The following STK3 variants were observed in gnomAD, a reference collection of about 807,000 sequenced individuals.
STK3 encodes serine/threonine-protein kinase 3.
Under a neutral mutation model 58.0 loss-of-function variants are expected in STK3, and 41 were observed. That is an observed-to-expected ratio of 0.71 (90% CI 0.55 to 0.92). The LOEUF (loss-of-function observed/expected upper bound fraction) is 0.92. Ranked by LOEUF, STK3 falls within the 40% of genes least tolerant of loss-of-function variation. The pLI, the probability that STK3 is intolerant of heterozygous loss-of-function variation, is 0.00. For synonymous variants in STK3, 170 were observed against 191.0 expected (o/e 0.89, Z 0.91); for missense variants, 479 against 602.7 (o/e 0.79, Z 2.15).
At chr8:98,479,580 C>T (rs1025748338) in intron 10 of STK3, among the ~76,000 whole-genome samples, 9 of 148,166 alleles carry the variant, frequency 6.1e-5, no homozygotes, top group Admixed American at 3.4e-4. Flanking sequence ...AACTCTTTTG[C>T]AGATAATAAA....
At chr8:98,471,460 C>A (rs75985877) in intron 10 of STK3, among the ~76,000 whole-genome samples, 1 of 150,944 alleles carries the variant, frequency 6.6e-6, no homozygotes, top group East Asian at 1.9e-4. Context: ...ACCTACCAAA[C>A]ATCATGGCTT....
chr8:98,784,944 G>A (rs1410173670), intron 1 of STK3, among the ~76,000 whole-genome samples: 1 of 151,702 alleles, frequency 6.6e-6, no homozygotes, highest in Non-Finnish European at 1.5e-5. Flanking sequence ...TCCTAGTGTA[G>A]GGAGGCCCTC....
intron 6 of STK3, among the ~76,000 whole-genome samples, chr8:98,644,399 T>A (rs1820247613): frequency 6.6e-6 from 1 of 152,186 alleles, no homozygotes; most frequent in Non-Finnish European, 1.5e-5. Flanking sequence ...AAAATTAATA[T>A]TTTATCTGAT....
chr8:98,493,939 A>G (rs1229504522), intron 10 of STK3, among the ~76,000 whole-genome samples: 2 of 152,204 alleles, frequency 1.3e-5, no homozygotes, highest in Non-Finnish European at 2.9e-5. Context: ...TCTAATCACT[A>G]AGGACTAGAG....
At chr8:98,581,145 C>T (rs1813848999) in intron 7 of STK3, among the ~76,000 whole-genome samples, 1 of 152,128 alleles carries the variant, frequency 6.6e-6, no homozygotes. Context: ...TAAGTGAATG[C>T]GGGAGCAAAT....
chr8:98,934,917 AAAAAT>A (rs554783265), intron 1 of STK3, among the ~76,000 whole-genome samples: 31 of 149,834 alleles, frequency 2.1e-4, no homozygotes, highest in African/African-American at 7.1e-4. Flanking sequence ...ACGCCGTCTC[AAAAAT>A]AAAATAAAAT....
At chr8:98,427,823 G>A (rs1437078792) in intron 3 of STK3, 2 of 615,346 alleles carry the variant, frequency 3.3e-6, no homozygotes, top group Non-Finnish European at 5.7e-6. Flanking sequence ...CCCCAGCCCA[G>A]CCCTTCAGCA....
At chr8:98,773,721 A>G (rs1831469345) in intron 2 of STK3, among the ~76,000 whole-genome samples, 1 of 152,092 alleles carries the variant, frequency 6.6e-6, no homozygotes. Context: ...GAAAATTAAC[A>G]TTTACTGAAA....
At chr8:98,495,759 A>ATAT (rs1823085090) in intron 10 of STK3, among the ~76,000 whole-genome samples, 1 of 152,216 alleles carries the variant, frequency 6.6e-6, no homozygotes, top group Non-Finnish European at 1.5e-5. Flanking sequence ...TACATAATCA[A>ATAT]ACATCTGTAT....
intron 1 of STK3, among the ~76,000 whole-genome samples, chr8:98,446,744 T>C (rs1283669306): frequency 1.3e-5 from 2 of 152,142 alleles, no homozygotes; most frequent in Non-Finnish European, 2.9e-5. Context: ...TGGGTTTATA[T>C]GCAGAGGAAT....
At chr8:98,744,000 T>C (rs1033892131) in intron 4 of STK3, among the ~76,000 whole-genome samples, 2 of 151,998 alleles carry the variant, frequency 1.3e-5, no homozygotes, top group African/African-American at 2.4e-5. Flanking sequence ...TCACTGGCCA[T>C]CAGAGAAATG....
intron 2 of STK3, among the ~76,000 whole-genome samples, chr8:98,374,422 C>A (rs188010850): frequency 6.6e-6 from 1 of 152,186 alleles, no homozygotes; most frequent in African/African-American, 2.4e-5. Context: ...CCCTTCCAAC[C>A]CATTTATTCT....
At chr8:98,544,642 C>A (rs1463350963) in intron 9 of STK3, among the ~76,000 whole-genome samples, 2 of 127,028 alleles carry the variant, frequency 1.6e-5, no homozygotes, top group African/African-American at 6.2e-5. Context: ...ATCTTTAATT[C>A]TACTATAACA....
chr8:98,441,664 G>C (rs1385514773), intron 1 of STK3, among the ~76,000 whole-genome samples: 2 of 152,152 alleles, frequency 1.3e-5, no homozygotes, highest in African/African-American at 4.8e-5. Flanking sequence ...TATTTATTGA[G>C]CATCCACTAT....
At chr8:98,736,217 C>A (rs942379537) in intron 4 of STK3, among the ~76,000 whole-genome samples, 1 of 152,170 alleles carries the variant, frequency 6.6e-6, no homozygotes, top group African/African-American at 2.4e-5. Context: ...AGACAACAAA[C>A]TACCTGAGAA....
chr8:98,845,593 A>T (rs1047726830), intron 3 of STK3, among the ~76,000 whole-genome samples: 1 of 152,148 alleles, frequency 6.6e-6, no homozygotes, highest in Non-Finnish European at 1.5e-5. Flanking sequence ...ACGTTCATAT[A>T]CTTGGAAGTT....
At chr8:98,603,894 T>C (rs189243430) in intron 6 of STK3, among the ~76,000 whole-genome samples, 2 of 152,300 alleles carry the variant, frequency 1.3e-5, no homozygotes, top group Admixed American at 6.5e-5. Context: ...CTTGTGAATA[T>C]GTTACTTTAC....
intron 4 of STK3, among the ~76,000 whole-genome samples, chr8:98,711,316 T>A (rs1303182588): frequency 1.3e-5 from 2 of 152,072 alleles, no homozygotes; most frequent in African/African-American, 4.8e-5. Context: ...AGAAGAAGGC[T>A]TCTGATGATC....
chr8:98,790,680 G>A (rs895118920), intron 1 of STK3, among the ~76,000 whole-genome samples: 1 of 152,130 alleles, frequency 6.6e-6, no homozygotes, highest in Non-Finnish European at 1.5e-5. Flanking sequence ...ACTTAGACAA[G>A]AGAAAGAAAT....
Sources: gnomAD v4.1 joint callset for allele counts (sites outside exome capture counted in the v4.1 genomes callset) on GRCh38, gnomAD v4.1.1 for gene constraint, MANE v1.5 for transcripts, NCBI Gene and HGNC (gene_info 2026-07-23, HGNC 2026-07-21) for gene names.